The following ADGRL2 variants were observed in gnomAD, a reference collection of about 807,000 sequenced individuals.
ADGRL2 encodes adhesion G protein-coupled receptor L2, also known as calcium-independent alpha-latrotoxin receptor 2.
Under a neutral mutation model 157.4 loss-of-function variants are expected in ADGRL2, and 44 were observed. The observed-to-expected ratio is 0.28, with a 90% CI of 0.22 to 0.36. ADGRL2 has a LOEUF of 0.36. ADGRL2 is among the 10% of genes least tolerant of loss of function. ADGRL2 has a pLI of 1.00. For synonymous variants in ADGRL2, 585 were observed against 624.7 expected (o/e 0.94, Z 0.95); for missense variants, 1,510 against 1,768.9 (o/e 0.85, Z 2.63).
At chr1:81,795,611 T>A (rs2149434541), upstream of ADGRL2, among the ~76,000 whole-genome samples, 1 of 152,338 alleles carries the variant, frequency 6.6e-6, no homozygotes, top group East Asian at 1.9e-4. Context: ...GTGAGTTTGC[T>A]TCCTGACTCT....
intron 1 of ADGRL2, among the ~76,000 whole-genome samples, chr1:81,309,973 TTC>T (rs1659629403): frequency 6.6e-6 from 1 of 152,168 alleles, no homozygotes; most frequent in Non-Finnish European, 1.5e-5. Flanking sequence ...CAAACAACTG[TTC>T]ACATCAGAAA....
intron 2 of ADGRL2, among the ~76,000 whole-genome samples, chr1:81,545,295 T>C (rs1363133357): frequency 6.6e-6 from 1 of 151,972 alleles, no homozygotes; most frequent in African/African-American, 2.4e-5. Context: ...GAACTTTTTT[T>C]TTTTTTTTTG....
chr1:81,346,726 C>T (rs1662507912), intron 1 of ADGRL2, among the ~76,000 whole-genome samples: 1 of 152,180 alleles, frequency 6.6e-6, no homozygotes, highest in African/African-American at 2.4e-5. Flanking sequence ...ACTGAAGCAA[C>T]TAGCACCTTG....
chr1:81,436,036 G>A (rs1309841932), intron 1 of ADGRL2, among the ~76,000 whole-genome samples: 1 of 152,022 alleles, frequency 6.6e-6, no homozygotes, highest in Non-Finnish European at 1.5e-5. Context: ...CAGATGTTGC[G>A]GTGAGCCGAG....
In ADGRL2 at chr1:81,488,638, G is replaced by A. The variant is rs535420597; in HGVS notation, c.-248+43549G>A. ...TGAGAAGATAGCTTGAGCATGGGAGGTCGGGGCTGCAGTAAGAAAGATCAT... is the reference window on the plus strand; with the variant it reads ...TGAGAAGATAGCTTGAGCATGGGAGATCGGGGCTGCAGTAAGAAAGATCAT... On this transcript the variant is annotated intron_variant, in intron 2 of 24. Transcript: ENST00000370721. 1.5e-3 allele frequency among the ~76,000 whole-genome samples: 226 copies of A among 151,924 alleles called. 1 individual carries two copies. Among genetic ancestry groups the A allele is most frequent in the African/African-American group, 5.2e-3 (216 of 41,424 alleles).
intron 2 of ADGRL2, among the ~76,000 whole-genome samples, chr1:81,484,062 A>G (rs944976810): frequency 6.6e-6 from 1 of 152,036 alleles, no homozygotes; most frequent in Non-Finnish European, 1.5e-5. Context: ...ACCAGCTCCC[A>G]TCACCAGATG....
intron 2 of ADGRL2, among the ~76,000 whole-genome samples, chr1:81,575,450 T>C (rs1038482577): frequency 1.7e-4 from 25 of 143,450 alleles, no homozygotes; most frequent in Non-Finnish European, 3.4e-4. Flanking sequence ...TCATTTCGTA[T>C]AAATCACTGT....
chr1:81,647,990 T>G (rs554126944), intron 3 of ADGRL2, among the ~76,000 whole-genome samples: 50 of 152,306 alleles, frequency 3.3e-4, no homozygotes, highest in African/African-American at 1.1e-3. Flanking sequence ...CTTTTTTCTT[T>G]TCAGGCAACC....
chr1:81,571,444 T>TAC lies in ADGRL2; in HGVS notation c.-247-9424_-247-9423dup, dbSNP rs573884267. 8.9e-4 allele frequency among the ~76,000 whole-genome samples: 132 copies of TAC among 148,626 alleles called. No individual in the cohort carries two copies. In the East Asian group the frequency reaches 0.015, roughly 17 times the overall value. ...ATATATGTGTGTGTGTGTATATATA[T>TAC]ACACACACATATATATATATGGTAG... On this transcript the variant is annotated intron_variant, in intron 2 of 24. Coordinates refer to the ADGRL2 transcript ENST00000370721.
chr1:81,957,139 G>A (rs573076360), intron 11 of ADGRL2, among the ~76,000 whole-genome samples: 55 of 150,804 alleles, frequency 3.6e-4, no homozygotes, highest in African/African-American at 1.3e-3. Flanking sequence ...TACCGAAGTG[G>A]CATATTATGA....
intron 2 of ADGRL2, among the ~76,000 whole-genome samples, chr1:81,873,732 C>T (rs1209469162): frequency 6.6e-6 from 1 of 152,034 alleles, no homozygotes; most frequent in Admixed American, 6.6e-5. Context: ...AGAATGAGGT[C>T]AATTAAGGTG....
chr1:81,606,713 G>A (rs956483035), intron 3 of ADGRL2, among the ~76,000 whole-genome samples: 2 of 151,494 alleles, frequency 1.3e-5, no homozygotes, highest in Admixed American at 6.6e-5. Context: ...TATAGCAAAA[G>A]CACATGCAGA....
chr1:81,846,670 A>G (rs1158692386), intron 2 of ADGRL2, among the ~76,000 whole-genome samples: 1 of 148,434 alleles, frequency 6.7e-6, no homozygotes, highest in Non-Finnish European at 1.5e-5. Context: ...ATTAATCATT[A>G]ATTAGTTCTC....
At chr1:81,761,536 A>T (rs1241324574) in intron 1 of ADGRL2, among the ~76,000 whole-genome samples, 1 of 151,982 alleles carries the variant, frequency 6.6e-6, no homozygotes, top group African/African-American at 2.4e-5. Flanking sequence ...AAAAAAATTT[A>T]TTGACAATGT....
chr1:81,315,959 T>C (rs1006132622), intron 1 of ADGRL2, among the ~76,000 whole-genome samples: 1 of 152,220 alleles, frequency 6.6e-6, no homozygotes, highest in Admixed American at 6.5e-5. Context: ...TTCTGAGACA[T>C]TGACATGAAT....
intron 2 of ADGRL2, among the ~76,000 whole-genome samples, chr1:81,522,163 C>G (rs1240256926): frequency 6.6e-6 from 1 of 151,898 alleles, no homozygotes; most frequent in African/African-American, 2.4e-5. Flanking sequence ...TGGGTTTTCG[C>G]CATGTTGGCC....
chr1:81,593,049 T>C lies in ADGRL2; in HGVS notation c.-143+12069T>C, dbSNP rs189726336. On this transcript the variant is annotated intron_variant, in intron 3 of 24. Coordinates refer to the ADGRL2 transcript ENST00000370721. ...AGGAATAGAAATAGGATGGTCAAAATACAAAGTATATTAATAATGCCAAAA... is the reference window on the plus strand; with the variant it reads ...AGGAATAGAAATAGGATGGTCAAAACACAAAGTATATTAATAATGCCAAAA... Among the ~76,000 whole-genome samples, 8 of 152,300 alleles carry C rather than the reference T, an allele frequency of 5.3e-5. No individual in the cohort carries two copies. In the East Asian group the frequency reaches 1.5e-3, roughly 29 times the overall value.
intron 3 of ADGRL2, among the ~76,000 whole-genome samples, chr1:81,639,341 G>A (rs1213854873): frequency 2.6e-5 from 4 of 152,074 alleles, no homozygotes; most frequent in African/African-American, 9.7e-5. Flanking sequence ...AAAGTGCTGG[G>A]GTTTCAGGCA....
chr1:81,415,151 T>G (rs2077011842), intron 1 of ADGRL2, among the ~76,000 whole-genome samples: 1 of 152,352 alleles, frequency 6.6e-6, no homozygotes, highest in African/African-American at 2.4e-5. Context: ...ATAACTCTTT[T>G]AAGCAGAAAA....
Sources: allele counts gnomAD v4.1 joint callset (sites outside exome capture counted in the v4.1 genomes callset), GRCh38; gene constraint gnomAD v4.1.1; transcripts MANE v1.5; gene names NCBI Gene and HGNC (gene_info 2026-07-23, HGNC 2026-07-21).